Variants in SMG6 observed in about 807,000 individuals in gnomAD.
SMG6 encodes telomerase-binding protein EST1A.
In SMG6, 66 loss-of-function variants were observed where a neutral mutation model predicts 142.2. That is an observed-to-expected ratio of 0.46 (90% confidence interval 0.38 to 0.57). The LOEUF (loss-of-function observed/expected upper bound fraction) is 0.57, where lower values mean the gene tolerates loss of function less well. Ranked by LOEUF, SMG6 falls within the 20% of genes least tolerant of loss-of-function variation. The pLI is 0.00. For missense variants in SMG6, 1,793 were observed against 1,832.0 expected (o/e 0.98, Z 0.39); for synonymous variants, 779 against 702.4 (o/e 1.11, Z -1.72).
intron 10 of SMG6, among the ~76,000 whole-genome samples, chr17:2,196,359 C>T (rs2072326086): frequency 1.3e-5 from 2 of 152,122 alleles, no homozygotes; most frequent in South Asian, 4.1e-4. Flanking sequence ...ACCCAGGAGG[C>T]GGAGGTTGCA....
chr17:2,241,944 AAC>A (rs2073811830), intron 9 of SMG6, among the ~76,000 whole-genome samples: 1 of 152,188 alleles, frequency 6.6e-6, no homozygotes, highest in Non-Finnish European at 1.5e-5. Flanking sequence ...TCTCCCAGGG[AAC>A]ACGTGGCAAT....
chr17:2,097,164 T>TC (rs201671495), intron 13 of SMG6, among the ~76,000 whole-genome samples: 4 of 151,328 alleles, frequency 2.6e-5, no homozygotes, highest in African/African-American at 7.3e-5. Flanking sequence ...TCTTTTCTTT[T>TC]TTTTTTTTAG....
intron 10 of SMG6, among the ~76,000 whole-genome samples, chr17:2,217,605 T>C (rs998776541): frequency 2.6e-5 from 4 of 152,098 alleles, no homozygotes; most frequent in African/African-American, 9.7e-5. Context: ...AATTTAAAAA[T>C]ATCTCATTAC....
At chr17:2,117,310 T>A (rs142796064) in intron 13 of SMG6, among the ~76,000 whole-genome samples, 1 of 150,480 alleles carries the variant, frequency 6.6e-6, no homozygotes, top group Non-Finnish European at 1.5e-5. Flanking sequence ...TCTCAGACAC[T>A]GTATTAAGGC....
At chr17:2,270,708 C>T (rs906614855) in intron 8 of SMG6, among the ~76,000 whole-genome samples, 48 of 152,330 alleles carry the variant, frequency 3.2e-4, no homozygotes, top group African/African-American at 1.1e-3. Context: ...AAACCAACTC[C>T]GGCATTACAG....
chr17:2,302,540 C>CA (rs2075305374), intron 1 of SMG6, among the ~76,000 whole-genome samples: 1 of 152,080 alleles, frequency 6.6e-6, no homozygotes, highest in East Asian at 1.9e-4. Context: ...GACTCCGTCT[C>CA]AAAAAATAAT....
intron 13 of SMG6, among the ~76,000 whole-genome samples, chr17:2,108,055 A>G (rs1233016120): frequency 6.6e-6 from 1 of 151,966 alleles, no homozygotes; most frequent in Admixed American, 6.6e-5. Flanking sequence ...TACAAGATAA[A>G]TCTAACAGGT....
At chr17:2,234,427 A>G (rs1449085602) in intron 10 of SMG6, among the ~76,000 whole-genome samples, 1 of 151,298 alleles carries the variant, frequency 6.6e-6, no homozygotes, top group South Asian at 2.1e-4. Flanking sequence ...AAGCGCAGCT[A>G]ATTTTTGGTA....
rs538678276 is a variant in SMG6 at position 2,088,199 on chromosome 17, C to T, written c.3358-2298G>A. On this transcript the variant is annotated intron_variant, in intron 13 of 18. Coordinates refer to ENST00000263073, the MANE Select transcript of SMG6 (RefSeq NM_017575.5). ...AGACAGGCGGGCAGGAGTGTTGCTGCTGCTAGAGCACGGGCTACATGGTAT... is the reference window on the plus strand; with the variant it reads ...AGACAGGCGGGCAGGAGTGTTGCTGTTGCTAGAGCACGGGCTACATGGTAT... 4.1e-6 allele frequency: 4 copies of T among 985,384 alleles called. No individual in the cohort carries two copies. In the African/African-American group the frequency reaches 7.0e-5, roughly 17 times the overall value. 61.0% of individuals were successfully genotyped at this position (985,384 alleles called of 1,614,324 possible).
chr17:2,255,556 G>A (rs1016700850), intron 8 of SMG6, among the ~76,000 whole-genome samples: 3 of 152,128 alleles, frequency 2.0e-5, no homozygotes, highest in Admixed American at 2.0e-4. Context: ...CCCCGTCCGG[G>A]AGGGAGGTGG....
chr17:2,114,465 T>C (rs2069435856), intron 13 of SMG6, among the ~76,000 whole-genome samples: 7 of 152,152 alleles, frequency 4.6e-5, no homozygotes, highest in Admixed American at 4.6e-4. Context: ...TTTGGGAAAC[T>C]GTCTGCAAGT....
At chr17:2,129,198 T>C (rs573451532) in intron 13 of SMG6, among the ~76,000 whole-genome samples, 2 of 152,118 alleles carry the variant, frequency 1.3e-5, no homozygotes, top group Non-Finnish European at 2.9e-5. Flanking sequence ...TGGTGGCACA[T>C]GCCCATAGTC....
chr17:2,136,726 T>C (rs947180333), intron 13 of SMG6, among the ~76,000 whole-genome samples: 3 of 151,980 alleles, frequency 2.0e-5, no homozygotes, highest in Admixed American at 6.6e-5. Flanking sequence ...TCACCTTTTT[T>C]TCCTTTTTTT....
At chr17:2,089,822 G>A (rs2068663747) in intron 13 of SMG6, 1 of 152,170 alleles carries the variant, frequency 6.6e-6, no homozygotes, top group Non-Finnish European at 1.5e-5. Context: ...AAAACCTCTA[G>A]GTCAAGAGAG....
chr17:2,259,088 A>G (rs1305295825), intron 8 of SMG6, among the ~76,000 whole-genome samples: 3 of 152,044 alleles, frequency 2.0e-5, no homozygotes, highest in Non-Finnish European at 4.4e-5. Flanking sequence ...AAAAACACAC[A>G]AACAAAAGGC....
chr17:2,226,897 C>G (rs1037259850), intron 10 of SMG6, among the ~76,000 whole-genome samples: 1 of 152,082 alleles, frequency 6.6e-6, no homozygotes, highest in South Asian at 2.1e-4. Flanking sequence ...GAGTGAGACT[C>G]CACCTCAAAA....
intron 10 of SMG6, among the ~76,000 whole-genome samples, chr17:2,216,182 G>A (rs1361816765): frequency 6.6e-6 from 1 of 152,148 alleles, no homozygotes; most frequent in Non-Finnish European, 1.5e-5. Context: ...TGGAAACTCA[G>A]ATGGCAGGTA....
In SMG6 at chr17:2,140,197, G is replaced by C. The variant is rs191060837; in HGVS notation, c.3357+32461C>G. On this transcript the variant is annotated intron_variant, in intron 13 of 18. Transcript: ENST00000263073. ...CCCACCTCAAACTCCCAAGTAGCTG[G>C]GACCACAGGCATGTGCAACCATGCC... Among the ~76,000 whole-genome samples the C allele has an allele frequency of 2.6e-3, 396 of 152,136 alleles. 6 individuals are homozygous for C. The highest frequency in any genetic ancestry group is 8.7e-3 in the African/African-American group (363 of 41,496).
At chr17:2,267,278 C>G (rs1188929377) in intron 8 of SMG6, among the ~76,000 whole-genome samples, 1 of 152,134 alleles carries the variant, frequency 6.6e-6, no homozygotes, top group African/African-American at 2.4e-5. Context: ...AGTCAAGACT[C>G]ACTGCAGCCT....
Sources: gnomAD v4.1 joint callset for allele counts (sites outside exome capture counted in the v4.1 genomes callset) on GRCh38, gnomAD v4.1.1 for gene constraint, MANE v1.5 for transcripts, NCBI Gene and HGNC (gene_info 2026-07-23, HGNC 2026-07-21) for gene names.